KIAA1217: variants seen among roughly 807,000 people sequenced by gnomAD.
KIAA1217 encodes the protein KIAA1217.
A neutral mutation model predicts 163.9 loss-of-function variants in KIAA1217; 88 were observed. That is an observed-to-expected ratio of 0.54 (90% CI 0.45 to 0.64). KIAA1217 has a LOEUF of 0.64. Ranked by LOEUF, KIAA1217 falls within the 30% of genes least tolerant of loss-of-function variation. KIAA1217 has a pLI of 0.00. For synonymous variants in KIAA1217, 903 were observed against 923.1 expected (o/e 0.98, Z 0.39); for missense variants, 2,372 against 2,475.0 (o/e 0.96, Z 0.88).
chr10:24,499,970 C>T (rs1477128442), intron 8 of KIAA1217, among the ~76,000 whole-genome samples: 1 of 152,126 alleles, frequency 6.6e-6, no homozygotes, highest in East Asian at 1.9e-4. Flanking sequence ...TCAGGGAGCT[C>T]CCTGGCTCAT....
chr10:24,294,204 A>AAAG (rs1239328039), intron 2 of KIAA1217, among the ~76,000 whole-genome samples: 31 of 151,376 alleles, frequency 2.0e-4, no homozygotes, highest in African/African-American at 7.3e-4. Flanking sequence ...AAAAAAAAAA[A>AAAG]AAAAAAAAAG....
intron 2 of KIAA1217, among the ~76,000 whole-genome samples, chr10:24,312,512 G>A (rs1039059581): frequency 2.0e-5 from 3 of 152,244 alleles, no homozygotes; most frequent in Non-Finnish European, 4.4e-5. Flanking sequence ...CCAGCTGCTC[G>A]GGAGGCTGAG....
intron 13 of KIAA1217, among the ~76,000 whole-genome samples, chr10:24,527,321 T>G (rs935427110): frequency 6.8e-6 from 1 of 147,080 alleles, no homozygotes; most frequent in Non-Finnish European, 1.5e-5. Context: ...AATTTTAGGC[T>G]GGGCATGGTG....
chr10:23,830,638 A>G (rs551652323), intron 1 of KIAA1217, among the ~76,000 whole-genome samples: 1 of 152,150 alleles, frequency 6.6e-6, no homozygotes, highest in South Asian at 2.1e-4. Flanking sequence ...GAGACAGATG[A>G]TAGACGATTG....
chr10:24,520,004 CA>C lies in KIAA1217; in HGVS notation c.2178-118del, dbSNP rs997853835. On this transcript the variant is annotated intron_variant, in intron 10 of 20. Coordinates refer to ENST00000376454, the MANE Select transcript of KIAA1217 (RefSeq NM_019590.5). ...CCCTCCACCACCACCACACGAAAGG[CA>C]GGGGGGAGGAGCTGGGGCTCTACAC... The C allele has an allele frequency of 5.3e-6, 6 of 1,137,086 alleles. No individual in the cohort carries two copies. The African/African-American group carries it at 7.8e-5, about 15-fold the overall frequency. 70.4% of individuals were successfully genotyped at this position (1,137,086 alleles called of 1,614,324 possible).
chr10:24,165,471 T>G (rs2065302648), intron 2 of KIAA1217, among the ~76,000 whole-genome samples: 2 of 152,076 alleles, frequency 1.3e-5, no homozygotes, highest in African/African-American at 4.8e-5. Context: ...CTAATCCCTC[T>G]CCACTAACCC....
chr10:23,707,049 A>AT (rs1206622902), intron 1 of KIAA1217, among the ~76,000 whole-genome samples: 2 of 152,222 alleles, frequency 1.3e-5, no homozygotes, highest in Non-Finnish European at 2.9e-5. Context: ...CTGCTATCTA[A>AT]TAAGAAGTAA....
At chr10:23,751,173 G>A (rs908540773) in intron 1 of KIAA1217, among the ~76,000 whole-genome samples, 3 of 151,970 alleles carry the variant, frequency 2.0e-5, no homozygotes, top group African/African-American at 4.8e-5. Context: ...GATTACAGGT[G>A]CATGCCACCT....
At position 24,381,144 on chromosome 10, in the gene KIAA1217, T is replaced by A. The variant is rs2053239156; in HGVS notation, c.553+77T>A. The A allele has an allele frequency of 2.7e-5, 29 of 1,061,836 alleles. No individual in the cohort carries two copies. In the South Asian group the frequency reaches 6.6e-4, roughly 24 times the overall value. 65.8% of individuals were successfully genotyped at this position (1,061,836 alleles called of 1,614,324 possible). On this transcript the variant is annotated intron_variant, in intron 3 of 20. Transcript: ENST00000376454. Reference sequence around the variant, plus strand: ...TTGTTATACTACTGAACCTATACTCTTTCATTCAACATTAATTTGATCTTG... The same window carrying A: ...TTGTTATACTACTGAACCTATACTCATTCATTCAACATTAATTTGATCTTG...
At chr10:23,977,299 A>C (rs962686430) in intron 1 of KIAA1217, among the ~76,000 whole-genome samples, 14 of 152,210 alleles carry the variant, frequency 9.2e-5, no homozygotes, top group Non-Finnish European at 1.8e-4. Flanking sequence ...CTATAACCTG[A>C]AGTTTCTAAA....
intron 2 of KIAA1217, among the ~76,000 whole-genome samples, chr10:24,181,376 G>C (rs952215015): frequency 4.6e-5 from 7 of 152,182 alleles, no homozygotes; most frequent in South Asian, 4.1e-4. Flanking sequence ...CTGTAGAAAG[G>C]CTCTGAGGTG....
At chr10:24,374,605 C>T (rs770760762) in intron 2 of KIAA1217, among the ~76,000 whole-genome samples, 13 of 152,242 alleles carry the variant, frequency 8.5e-5, no homozygotes, top group South Asian at 6.2e-4. Context: ...CACATCCACC[C>T]GTTGTATTTT....
intron 3 of KIAA1217, among the ~76,000 whole-genome samples, chr10:24,389,636 C>T (rs546191858): frequency 4.6e-5 from 7 of 152,040 alleles, no homozygotes; most frequent in Admixed American, 1.3e-4. Context: ...GAACCAGCGC[C>T]CTGGCCTAAG....
At chr10:24,139,862 A>G (rs2063983202) in intron 2 of KIAA1217, among the ~76,000 whole-genome samples, 1 of 152,178 alleles carries the variant, frequency 6.6e-6, no homozygotes, top group African/African-American at 2.4e-5. Flanking sequence ...TTTTATACCT[A>G]TGATAAAGTT....
intron 2 of KIAA1217, among the ~76,000 whole-genome samples, chr10:24,054,049 T>C (rs1348378694): frequency 6.6e-6 from 1 of 152,172 alleles, no homozygotes; most frequent in African/African-American, 2.4e-5. Context: ...TTAGGCTAAG[T>C]GTCAGGCATT....
chr10:24,158,377 G>A, intron 2 of KIAA1217: 1 of 638,592 alleles, frequency 1.6e-6, no homozygotes, highest in Non-Finnish European at 3.0e-6. Context: ...GTTTTCTCAA[G>A]CCTCTGCTTC....
intron 2 of KIAA1217, among the ~76,000 whole-genome samples, chr10:24,093,153 C>G (rs1346688515): frequency 1.3e-5 from 2 of 151,042 alleles, no homozygotes; most frequent in Non-Finnish European, 2.9e-5. Context: ...GTCACCATGC[C>G]CAGTTATTTT....
intron 2 of KIAA1217, among the ~76,000 whole-genome samples, chr10:24,274,861 C>G (rs982083434): frequency 3.3e-5 from 5 of 152,016 alleles, no homozygotes; most frequent in Non-Finnish European, 7.4e-5. Flanking sequence ...CTAGGAATGC[C>G]AAATAGTACT....
chr10:24,521,866 A>C lies in KIAA1217; in HGVS notation c.2393A>C (p.His798Pro). 6.2e-7 allele frequency: 1 copy of C among 1,613,876 alleles called. No homozygotes were observed. The highest frequency in any genetic ancestry group is 1.1e-5 in the South Asian group (1 of 91,084). Residue 798 changes from histidine (H) to proline (P), a missense_variant, in exon 12 of 21, where the codon CAC (histidine) becomes CCC (proline). Transcript: ENST00000376454. Reference protein sequence around the residue: ...EAVRFLKEEPHKLDSLLKRVR... With the variant: ...EAVRFLKEEPPKLDSLLKRVR... Reference sequence around the variant, plus strand: ...GTGCGGTTTCTGAAGGAGGAGCCACACAAGCTGGACAGTCTCCTGAAGCGT... The same window carrying C: ...GTGCGGTTTCTGAAGGAGGAGCCACCCAAGCTGGACAGTCTCCTGAAGCGT...
Sources: allele counts gnomAD v4.1 joint callset (sites outside exome capture counted in the v4.1 genomes callset), GRCh38; gene constraint gnomAD v4.1.1; transcripts MANE v1.5; gene names NCBI Gene and HGNC (gene_info 2026-07-23, HGNC 2026-07-21).